Variants in EMSY observed in about 807,000 individuals in gnomAD.
EMSY encodes the protein BRCA2-interacting transcriptional repressor EMSY.
EMSY carries 26 observed loss-of-function variants against 134.6 expected under a neutral mutation model. The observed-to-expected ratio is 0.19, with a 90% CI of 0.14 to 0.27. The LOEUF is 0.27. Ranked by LOEUF, EMSY falls within the 10% of genes least tolerant of loss-of-function variation. The pLI is 1.00. For synonymous variants in EMSY, 579 were observed against 577.8 expected, an observed-to-expected ratio of 1.00 and a Z score of -0.03; for missense variants, 1,305 against 1,611.4, an observed-to-expected ratio of 0.81 and a Z score of 3.26.
chr11:76,451,943 A>T (rs562451809), exon 3 of EMSY: 3 of 1,580,196 alleles, frequency 1.9e-6, no homozygotes, highest in Non-Finnish European at 2.6e-6. Context: ...TTGGAGAACT[A>T]TCAAAAGTTC....
At chr11:76,529,364 C>T (rs1413719189) in intron 14 of EMSY, among the ~76,000 whole-genome samples, 3 of 152,162 alleles carry the variant, frequency 2.0e-5, no homozygotes, top group African/African-American at 7.2e-5. Flanking sequence ...TACACAGTCT[C>T]CATATTGTGC....
intron 8 of EMSY, among the ~76,000 whole-genome samples, chr11:76,495,533 T>C (rs1258101031): frequency 1.3e-5 from 2 of 152,238 alleles, no homozygotes; most frequent in Non-Finnish European, 2.9e-5. Context: ...TCCTTACCTA[T>C]GTGTGCTTGC....
intron 3 of EMSY, 65 bp from the exon 4 acceptor site, chr11:76,453,249 T>G (rs1687533237): frequency 6.1e-6 from 9 of 1,473,728 alleles, no homozygotes; most frequent in Non-Finnish European, 8.4e-6. Context: ...GACTTAAACA[T>G]TAATGAAAGT....
intron 20 of EMSY, chr11:76,547,027 G>A (rs1039781035): frequency 8.9e-6 from 4 of 451,894 alleles, no homozygotes; most frequent in African/African-American, 8.0e-5. Flanking sequence ...ATGCATAATA[G>A]GTCAAGACTA....
rs1948397921 is a variant in EMSY at position 76,467,483 on chromosome 11, T to A, written c.831+3403T>A. ...TAGTTGATATTATATTGCAAAGTTG[T>A]TTATCTTCTATTTCTCCCAGGGACT... On this transcript the variant is annotated intron_variant, in intron 7 of 20. Transcript: ENST00000334736. Among the ~76,000 whole-genome samples, 6 of 152,336 alleles carry A rather than the reference T, an allele frequency of 3.9e-5. No individual in the cohort carries two copies. The South Asian group carries it at 1.2e-3, about 32-fold the overall frequency.
chr11:76,490,315 A>G (rs1380402347), intron 8 of EMSY, among the ~76,000 whole-genome samples: 2 of 152,002 alleles, frequency 1.3e-5, no homozygotes, highest in Non-Finnish European at 2.9e-5. Flanking sequence ...TTGTTCTTGA[A>G]GTTGACCTGT....
chr11:76,449,874 AT>A (rs1185184952), intron 2 of EMSY, among the ~76,000 whole-genome samples: 1 of 152,188 alleles, frequency 6.6e-6, no homozygotes, highest in African/African-American at 2.4e-5. Flanking sequence ...AATATTCTCC[AT>A]GATACCTTGT....
chr11:76,531,323 G>C (rs541384185), intron 14 of EMSY, among the ~76,000 whole-genome samples: 1 of 152,104 alleles, frequency 6.6e-6, no homozygotes, highest in South Asian at 2.1e-4. Flanking sequence ...AATTCAGGTC[G>C]ACACATTGCA....
rs1416503888 is a variant in EMSY at position 76,498,987 on chromosome 11, A to C, written c.1363+2518A>C. 2.0e-5 allele frequency among the ~76,000 whole-genome samples: 3 copies of C among 152,324 alleles called. No homozygotes were observed. In the East Asian group the frequency reaches 5.8e-4, roughly 29 times the overall value. ...TAACTTGTTTTTGTTTTTGAGACGG[A>C]GTCTCGCTTTGTCACCCAGGCTGGA... On this transcript the variant is annotated intron_variant, in intron 9 of 20. Coordinates refer to ENST00000334736, the Ensembl canonical transcript of EMSY.
At chr11:76,466,891 C>T (rs369597028) in intron 7 of EMSY, among the ~76,000 whole-genome samples, 1 of 151,994 alleles carries the variant, frequency 6.6e-6, no homozygotes, top group South Asian at 2.1e-4. Context: ...GACATTATTG[C>T]AAGGATTAAA....
chr11:76,469,664 C>T (rs1217180640), intron 7 of EMSY, among the ~76,000 whole-genome samples: 1 of 152,156 alleles, frequency 6.6e-6, no homozygotes, highest in East Asian at 1.9e-4. Flanking sequence ...ATCATTATAT[C>T]GTTTAATCCT....
At chr11:76,513,311 T>G in intron 9 of EMSY, 75 bp from the exon 11 acceptor site, 2 of 1,413,064 alleles carry the variant, frequency 1.4e-6, no homozygotes, top group Non-Finnish European at 1.9e-6. Flanking sequence ...GTGTGACTAC[T>G]GCCCTCTTGG....
intron 9 of EMSY, among the ~76,000 whole-genome samples, chr11:76,503,595 G>A (rs185290809): frequency 1.4e-4 from 22 of 152,154 alleles, no homozygotes; most frequent in Admixed American, 7.9e-4. Flanking sequence ...ACATCACACC[G>A]TATACAAAAT....
exon 21 of EMSY, chr11:76,549,992 A>G: frequency 6.2e-7 from 1 of 1,613,402 alleles, no homozygotes. Flanking sequence ...TCCAGCTCCA[A>G]TGTGGTGGTG....
exon 18 of EMSY, chr11:76,542,224 C>T (rs754825603): frequency 4.3e-6 from 7 of 1,614,012 alleles, no homozygotes; most frequent in African/African-American, 1.3e-5. Flanking sequence ...AGTCAGCCAT[C>T]GCTCCCAGCC....
chr11:76,501,962 A>C (rs1173317399), intron 9 of EMSY, among the ~76,000 whole-genome samples: 1 of 151,770 alleles, frequency 6.6e-6, no homozygotes, highest in Non-Finnish European at 1.5e-5. Context: ...ACTTACAAGG[A>C]AATTGCAATA....
chr11:76,465,340 C>T (rs567362407), intron 7 of EMSY, among the ~76,000 whole-genome samples: 12 of 152,226 alleles, frequency 7.9e-5, no homozygotes, highest in Admixed American at 6.5e-4. Context: ...TTACTAGCTG[C>T]GTGACTGTGG....
At position 76,454,731 on chromosome 11, in the gene EMSY, CT is replaced by C. The variant is rs921284830; in HGVS notation, c.245+1349del. The C allele has an allele frequency of 1.7e-5, 24 of 1,436,796 alleles. No homozygotes were observed. Among genetic ancestry groups the C allele is most frequent in the Admixed American group, 2.1e-5 (1 of 46,786 alleles). 89.0% of individuals were successfully genotyped at this position (1,436,796 alleles called of 1,614,324 possible). On this transcript the variant is annotated intron_variant, in intron 4 of 20. Coordinates refer to ENST00000334736, the Ensembl canonical transcript of EMSY. Reference sequence around the variant, plus strand: ...ATAACATTTATTTAGTCTCCTTTTCCTTTTTTCCCCTTTAAAGAATGAATTT... The same window carrying C: ...ATAACATTTATTTAGTCTCCTTTTCCTTTTTCCCCTTTAAAGAATGAATTT...
chr11:76,458,473 G>A, intron 5 of EMSY, 115 bp downstream of exon 6: 1 of 1,076,678 alleles, frequency 9.3e-7, no homozygotes. Context: ...TAAAGGTTAT[G>A]AAACATAGTA....
Sources: gnomAD v4.1 joint callset for allele counts (sites outside exome capture counted in the v4.1 genomes callset) on GRCh38, gnomAD v4.1.1 for gene constraint, MANE v1.5 for transcripts, NCBI Gene and HGNC (gene_info 2026-07-23, HGNC 2026-07-21) for gene names.